Variants in MAPT observed in about 807,000 individuals in gnomAD.
MAPT encodes microtubule-associated protein tau.
MAPT carries 34 observed loss-of-function variants against 67.9 expected under a neutral mutation model. The ratio of observed to expected loss-of-function variants is 0.50; its 90% confidence interval spans 0.38 to 0.67. The LOEUF (loss-of-function observed/expected upper bound fraction) is 0.67, where lower values mean the gene tolerates loss of function less well. MAPT is among the 30% of genes least tolerant of loss of function. The pLI is 0.00. For missense variants in MAPT, 881 were observed against 1,115.2 expected (o/e 0.79, Z 2.99); for synonymous variants, 456 against 464.5 (o/e 0.98, Z 0.23).
At chr17:45,990,566 C>T in intron 7 of MAPT, 1 of 406,926 alleles carries the variant, frequency 2.5e-6, no homozygotes, top group South Asian at 1.8e-5. Context: ...TAGTTAGCTC[C>T]AGCTTGGGCG....
At chr17:45,979,474 A>G (rs1489813702) in intron 4 of MAPT, 1 of 152,194 alleles carries the variant, frequency 6.6e-6, no homozygotes, top group African/African-American at 2.4e-5. Flanking sequence ...CTCGTTGAGG[A>G]TATTTTGAGG....
At chr17:45,949,323 C>G (rs1323041250) in intron 1 of MAPT, among the ~76,000 whole-genome samples, 3 of 152,246 alleles carry the variant, frequency 2.0e-5, no homozygotes, top group African/African-American at 7.2e-5. Context: ...GAAGCTCGGT[C>G]CAGGTCCCCA....
At chr17:45,974,518 GT>G in intron 3 of MAPT, 1 of 1,474,406 alleles carries the variant, frequency 6.8e-7, no homozygotes, top group Non-Finnish European at 9.3e-7. Flanking sequence ...GCCCTGCTGG[GT>G]GCCCCAGCTG....
intron 12 of MAPT, among the ~76,000 whole-genome samples, chr17:46,021,495 G>T (rs76159289): frequency 0.14 from 21,737 of 152,144 alleles, 2,101 homozygotes; most frequent in Non-Finnish European, 0.22. Flanking sequence ...GATAGGGCCT[G>T]AGCATTGGTG....
intron 1 of MAPT, among the ~76,000 whole-genome samples, chr17:45,946,615 A>AAAAAATATATATATATAT: frequency 1.0e-4 from 10 of 100,312 alleles, no homozygotes; most frequent in Non-Finnish European, 1.4e-4. Flanking sequence ...AAAAAAAAAA[A>AAAAAATATATATATATAT]ATATATATAT....
rs559806070 is a variant in MAPT, at chr17:45,990,733, C to T, written c.1605+658C>T. 3.3e-5 allele frequency among the ~76,000 whole-genome samples: 5 copies of T among 152,310 alleles called. No homozygotes were observed. The East Asian group carries it at 7.7e-4, about 23-fold the overall frequency. On this transcript the variant is annotated intron_variant, in intron 7 of 12. Coordinates refer to ENST00000262410, the MANE Select transcript of MAPT (RefSeq NM_001377265.1). ...GCATCACGCCATAGCAACACTGCCCCGTGAGCTCACTGCCCCCTCAACTAG... is the reference window on the plus strand; with the variant it reads ...GCATCACGCCATAGCAACACTGCCCTGTGAGCTCACTGCCCCCTCAACTAG...
intron 1 of MAPT, among the ~76,000 whole-genome samples, chr17:45,909,739 C>T (rs138123485): frequency 1.3e-5 from 2 of 152,170 alleles, no homozygotes; most frequent in East Asian, 3.9e-4. Flanking sequence ...AGCATGATGG[C>T]ATGTGCCTAT....
chr17:45,969,753 G>A (rs2071453371), intron 2 of MAPT, among the ~76,000 whole-genome samples: 1 of 150,464 alleles, frequency 6.6e-6, no homozygotes, highest in Non-Finnish European at 1.5e-5. Context: ...CACATCACCA[G>A]CTCATCCATC....
rs201564802 is a variant in MAPT, at chr17:45,958,720, TAAAAG to T, written c.-17-3596_-17-3592del. Among the ~76,000 whole-genome samples, 48 of 128,632 alleles carry T rather than the reference TAAAAG, an allele frequency of 3.7e-4. 1 individual carries two copies. Among genetic ancestry groups the T allele is most frequent in the Admixed American group, 6.5e-4 (8 of 12,348 alleles). The allele number at this position is 128,632 out of a possible 152,430, so 84.4% of individuals were successfully genotyped here. Reference sequence around the variant, plus strand: ...GGAGCAACAGAGTGAGACCCTGACTTAAAAGAAAAAAAAAAAAAAAGAGGAGAAAA... The same window carrying T: ...GGAGCAACAGAGTGAGACCCTGACTTAAAAAAAAAAAAAAAGAGGAGAAAA... On this transcript the variant is annotated intron_variant, in intron 1 of 12. Coordinates refer to ENST00000262410, the MANE Select transcript of MAPT (RefSeq NM_001377265.1).
chr17:45,942,454 C>G (rs2068084890), intron 1 of MAPT, among the ~76,000 whole-genome samples: 1 of 152,206 alleles, frequency 6.6e-6, no homozygotes, highest in South Asian at 2.1e-4. Flanking sequence ...TCGAGAGGGC[C>G]AAGGGGCACC....
At chr17:45,907,307 T>G (rs1162531650) in intron 1 of MAPT, among the ~76,000 whole-genome samples, 3 of 152,192 alleles carry the variant, frequency 2.0e-5, no homozygotes, top group African/African-American at 7.2e-5. Context: ...GTGTCCATCT[T>G]CCCCGAAGCT....
chr17:45,951,523 ATC>A (rs146803931), intron 1 of MAPT, among the ~76,000 whole-genome samples: 96 of 147,120 alleles, frequency 6.5e-4, no homozygotes, highest in Middle Eastern at 3.5e-3. Flanking sequence ...CTTTGTTCTC[ATC>A]TCTCTCTCTC....
chr17:45,929,925 G>T, intron 1 of MAPT, among the ~76,000 whole-genome samples: 1 of 152,082 alleles, frequency 6.6e-6, no homozygotes, highest in East Asian at 1.9e-4. Flanking sequence ...GCAGATAATG[G>T]GTATCCAGTT....
At chr17:46,019,110 C>A (rs969699198) in intron 12 of MAPT, among the ~76,000 whole-genome samples, 1 of 152,152 alleles carries the variant, frequency 6.6e-6, no homozygotes, top group Admixed American at 6.5e-5. Context: ...TTAATGGACT[C>A]ACAGTTCCAC....
intron 5 of MAPT, among the ~76,000 whole-genome samples, chr17:45,984,354 G>A (rs903653597): frequency 1.3e-5 from 2 of 152,244 alleles, no homozygotes; most frequent in Non-Finnish European, 2.9e-5. Context: ...AGGAAACGGA[G>A]GCTCAGAGAA....
At chr17:45,947,009 C>T (rs530842832) in intron 1 of MAPT, among the ~76,000 whole-genome samples, 2 of 152,304 alleles carry the variant, frequency 1.3e-5, no homozygotes, top group Non-Finnish European at 2.9e-5. Flanking sequence ...TTCTTGCCAG[C>T]ATGAGTCTTT....
At position 45,939,046 on chromosome 17, in the gene MAPT, T is replaced by G. The variant is rs528927296; in HGVS notation, c.-17-23275T>G. 9.8e-4 allele frequency among the ~76,000 whole-genome samples: 149 copies of G among 152,226 alleles called. No homozygotes were observed. In the Middle Eastern group the frequency reaches 0.01, roughly 10 times the overall value. On this transcript the variant is annotated intron_variant, in intron 1 of 12. Transcript: ENST00000262410. The stretch of plus-strand genomic sequence containing the variant: ...CCAGGCTGGTCTCAAACTCCTGATC[T>G]CAAGTGATCCACCAACCTCAGCCTC...
At position 45,913,138 on chromosome 17, in the gene MAPT, A is replaced by C. The variant is rs2064919703; in HGVS notation, c.-18+18452A>C. ...AGACTGGGGAATTTACAAAAGAAAG[A>C]GGTTTAATTGGACTTACAGTTCCAA... On this transcript the variant is annotated intron_variant, in intron 1 of 12. Coordinates refer to ENST00000262410, the MANE Select transcript of MAPT (RefSeq NM_001377265.1). Among the ~76,000 whole-genome samples the C allele has an allele frequency of 2.0e-5, 3 of 152,190 alleles. No homozygotes were observed. In the South Asian group the frequency reaches 6.2e-4, roughly 32 times the overall value.
intron 1 of MAPT, among the ~76,000 whole-genome samples, chr17:45,957,302 A>T (rs1287474086): frequency 6.6e-6 from 1 of 152,162 alleles, no homozygotes; most frequent in Admixed American, 6.5e-5. Flanking sequence ...AACTGGTGTG[A>T]GATGTTATCT....
Sources: gnomAD v4.1 joint callset for allele counts (sites outside exome capture counted in the v4.1 genomes callset) on GRCh38, gnomAD v4.1.1 for gene constraint, MANE v1.5 for transcripts, NCBI Gene and HGNC (gene_info 2026-07-23, HGNC 2026-07-21) for gene names.